Variants in EBF1 observed in about 807,000 individuals in gnomAD.
The protein encoded by EBF1 is transcription factor COE1.
A neutral mutation model predicts 68.4 loss-of-function variants in EBF1; 10 were observed. The ratio of observed to expected loss-of-function variants is 0.15; its 90% CI spans 0.09 to 0.25. The LOEUF is 0.25. Ranked by LOEUF, EBF1 falls within the 10% of genes least tolerant of loss-of-function variation. The pLI is 1.00. For synonymous variants in EBF1, 298 were observed against 299.8 expected, an observed-to-expected ratio of 0.99 and a Z score of 0.06; for missense variants, 509 against 794.4, an observed-to-expected ratio of 0.64 and a Z score of 4.32.
chr5:158,961,260 A>G (rs1818136190), intron 6 of EBF1, among the ~76,000 whole-genome samples: 1 of 152,208 alleles, frequency 6.6e-6, no homozygotes, highest in South Asian at 2.1e-4. Context: ...AGCCACATAT[A>G]TCAGAAGGCT....
intron 6 of EBF1, among the ~76,000 whole-genome samples, chr5:158,919,813 T>C (rs1055549991): frequency 2.0e-5 from 3 of 152,216 alleles, no homozygotes; most frequent in Non-Finnish European, 2.9e-5. Context: ...GTACATATTA[T>C]TATCCCAATT....
At chr5:158,913,830 C>A (rs565985267) in intron 6 of EBF1, among the ~76,000 whole-genome samples, 1 of 152,112 alleles carries the variant, frequency 6.6e-6, no homozygotes, top group East Asian at 1.9e-4. Context: ...AAATATGCTC[C>A]GCAAATAAAA....
At chr5:158,730,570 C>A (rs1158153396) in intron 11 of EBF1, among the ~76,000 whole-genome samples, 1 of 152,198 alleles carries the variant, frequency 6.6e-6, no homozygotes, top group Non-Finnish European at 1.5e-5. Flanking sequence ...TTTGCCCAAT[C>A]TCAAGATCTA....
At chr5:158,881,145 G>A (rs564092051) in intron 6 of EBF1, among the ~76,000 whole-genome samples, 2 of 152,196 alleles carry the variant, frequency 1.3e-5, no homozygotes, top group East Asian at 3.9e-4. Flanking sequence ...GAAACACTTC[G>A]TATTCAAAAC....
intron 6 of EBF1, among the ~76,000 whole-genome samples, chr5:159,054,536 G>A (rs1388065695): frequency 1.3e-5 from 2 of 152,022 alleles, no homozygotes; most frequent in African/African-American, 2.4e-5. Flanking sequence ...ATTTCTTCAA[G>A]CTTAAGGAAT....
intron 6 of EBF1, among the ~76,000 whole-genome samples, chr5:158,930,100 T>G (rs886645507): frequency 1.3e-5 from 2 of 152,242 alleles, no homozygotes; most frequent in African/African-American, 4.8e-5. Flanking sequence ...TAGATAAAAT[T>G]CATTACCATA....
chr5:158,785,142 C>T (rs573625998), intron 9 of EBF1, among the ~76,000 whole-genome samples: 64 of 152,230 alleles, frequency 4.2e-4, no homozygotes, highest in Non-Finnish European at 8.1e-4. Context: ...ATGAAGCAGA[C>T]ACTTAAATAA....
chr5:158,765,967 C>CA (rs1280343133), intron 10 of EBF1, among the ~76,000 whole-genome samples: 1 of 151,976 alleles, frequency 6.6e-6, no homozygotes, highest in Non-Finnish European at 1.5e-5. Context: ...CCCTGCCCTC[C>CA]AAAAAAAGTT....
chr5:159,079,864 C>A (rs1779447959), intron 5 of EBF1, among the ~76,000 whole-genome samples: 1 of 152,068 alleles, frequency 6.6e-6, no homozygotes, highest in Non-Finnish European at 1.5e-5. Context: ...ATCTGCCCAC[C>A]TCGGCCTCCC....
intron 6 of EBF1, among the ~76,000 whole-genome samples, chr5:158,954,033 C>A (rs1816566918): frequency 1.3e-5 from 2 of 152,140 alleles, no homozygotes; most frequent in Non-Finnish European, 2.9e-5. Flanking sequence ...GTTGTTAAAC[C>A]TTTTCTCAGG....
At chr5:159,025,430 CTGAGTACA>C (rs910206316) in intron 6 of EBF1, among the ~76,000 whole-genome samples, 3 of 152,212 alleles carry the variant, frequency 2.0e-5, no homozygotes, top group African/African-American at 7.2e-5. Context: ...CAACTACTGC[CTGAGTACA>C]TGAGTTATGA....
intron 6 of EBF1, among the ~76,000 whole-genome samples, chr5:158,977,663 G>A (rs879393990): frequency 4.6e-5 from 7 of 152,194 alleles, no homozygotes; most frequent in Non-Finnish European, 1.0e-4. Flanking sequence ...ACTTATCTGT[G>A]TCATGTGCGT....
intron 6 of EBF1, among the ~76,000 whole-genome samples, chr5:159,056,081 G>A (rs1471985790): frequency 2.0e-5 from 3 of 152,118 alleles, no homozygotes; most frequent in East Asian, 3.9e-4. Flanking sequence ...TATCCTTTCT[G>A]GCTTCTGGTA....
intron 6 of EBF1, among the ~76,000 whole-genome samples, chr5:158,944,739 T>C (rs190513730): frequency 6.6e-6 from 1 of 152,354 alleles, no homozygotes; most frequent in Admixed American, 6.5e-5. Flanking sequence ...TGTTGTTTCC[T>C]GACTTTTGAA....
intron 6 of EBF1, among the ~76,000 whole-genome samples, chr5:158,843,105 C>A (rs1054463074): frequency 5.3e-5 from 8 of 152,114 alleles, no homozygotes; most frequent in African/African-American, 1.9e-4. Flanking sequence ...GCAACATGAA[C>A]ATTATGGAGG....
intron 6 of EBF1, among the ~76,000 whole-genome samples, chr5:158,913,496 A>T (rs1806460953): frequency 6.6e-6 from 1 of 152,160 alleles, no homozygotes. Flanking sequence ...GATCCTAGTG[A>T]TTCCAGCAGA....
At chr5:159,087,938 C>T (rs765176620) in intron 4 of EBF1, among the ~76,000 whole-genome samples, 5 of 152,092 alleles carry the variant, frequency 3.3e-5, no homozygotes, top group Non-Finnish European at 7.4e-5. Flanking sequence ...TCCTTGGGGC[C>T]TCTATAGAAC....
chr5:158,776,923 C>T (rs910317155), intron 10 of EBF1, among the ~76,000 whole-genome samples: 4 of 152,280 alleles, frequency 2.6e-5, no homozygotes, highest in Non-Finnish European at 2.9e-5. Flanking sequence ...AAGGCGGATC[C>T]ATGTGCCAAG....
At chr5:159,068,406 GA>G (rs1391747230) in intron 6 of EBF1, among the ~76,000 whole-genome samples, 1 of 151,892 alleles carries the variant, frequency 6.6e-6, no homozygotes, top group African/African-American at 2.4e-5. Context: ...TGGATGGATG[GA>G]TGGTTAGATA....
Sources: allele counts gnomAD v4.1 joint callset (sites outside exome capture counted in the v4.1 genomes callset), GRCh38; gene constraint gnomAD v4.1.1; transcripts MANE v1.5; gene names NCBI Gene and HGNC (gene_info 2026-07-23, HGNC 2026-07-21).